CPVL: variants seen among roughly 807,000 people sequenced by gnomAD.
CPVL encodes probable serine carboxypeptidase CPVL.
Under a neutral mutation model 63.7 loss-of-function variants are expected in CPVL, and 51 were observed. The observed-to-expected ratio is 0.80, with a 90% CI of 0.64 to 1.01. The LOEUF (loss-of-function observed/expected upper bound fraction) is 1.01. CPVL is among the 50% of genes least tolerant of loss of function. The pLI, the probability that CPVL is intolerant of heterozygous loss-of-function variation, is 0.00. For synonymous variants in CPVL, 195 were observed against 206.0 expected, an observed-to-expected ratio of 0.95 and a Z score of 0.46; for missense variants, 530 against 573.1, an observed-to-expected ratio of 0.92 and a Z score of 0.77.
chr7:29,077,450 T>C (rs1784343661), intron 7 of CPVL, among the ~76,000 whole-genome samples: 1 of 152,172 alleles, frequency 6.6e-6, no homozygotes, highest in African/African-American at 2.4e-5. Flanking sequence ...AGTTTCACCA[T>C]CCACAGGCCT....
chr7:29,150,307 G>A (rs1348791429), upstream of CPVL, among the ~76,000 whole-genome samples: 2 of 152,152 alleles, frequency 1.3e-5, no homozygotes, highest in South Asian at 4.1e-4. Context: ...TTATCAAGAG[G>A]AAGAAATAAG....
chr7:29,123,733 A>C (rs1777445687), intron 1 of CPVL, among the ~76,000 whole-genome samples: 3 of 147,074 alleles, frequency 2.0e-5, no homozygotes, highest in Non-Finnish European at 4.5e-5. Context: ...CTGGGGACAG[A>C]AACAAGAAAC....
At chr7:29,019,290 A>G (rs1786722939) in intron 12 of CPVL, among the ~76,000 whole-genome samples, 1 of 152,220 alleles carries the variant, frequency 6.6e-6, no homozygotes, top group South Asian at 2.1e-4. Context: ...CTCGGATTAT[A>G]TAACAGGGCA....
chr7:28,999,453 T>C (rs1784394592), intron 12 of CPVL, among the ~76,000 whole-genome samples: 4 of 152,252 alleles, frequency 2.6e-5, no homozygotes, highest in African/African-American at 7.2e-5. Flanking sequence ...CAGGGAATTC[T>C]CTGTTTACAT....
rs1789317623 is a variant in CPVL at position 29,121,022 on chromosome 7, G to C, written c.40C>G (p.Leu14Val). Residue 14 changes from leucine to valine, a missense_variant, in exon 2 of 13, where the codon CTG becomes GTG. Leu to Val is a conservative substitution (Grantham distance 32). Coordinates refer to ENST00000265394, the MANE Select transcript of CPVL (RefSeq NM_031311.5). Reference protein sequence around the residue: ...AMWKVIVSLVLLMPGPCDGLF... With the variant: ...AMWKVIVSLVVLMPGPCDGLF... The stretch of plus-strand genomic sequence containing the variant: ...CCATCACAGGGGCCAGGCATCAACA[G>C]GACCAGCGAAACAATCACCTTCCAC... The C allele has an allele frequency of 6.2e-7, 1 of 1,609,406 alleles. No individual in the cohort carries two copies. The highest frequency in any genetic ancestry group is 1.3e-5 in the African/African-American group (1 of 74,644).
At position 29,195,024 on chromosome 7, in the gene CPVL, C is replaced by G. The variant is rs779244950; in HGVS notation, c.-448+53G>C. ...CAGCCCGTCGGGCGCTGCTGCCGCG[C>G]CGGGTCTCGCCCCACTGCCCTCGCC... On this transcript the variant is annotated intron_variant, in intron 1 of 16. Transcript: ENST00000409850. The G allele has an allele frequency of 6.3e-6, 10 of 1,576,890 alleles. 1 individual carries two copies. In the South Asian group the frequency reaches 1.0e-4, roughly 16 times the overall value.
chr7:29,062,552 G>A (rs1322508014), intron 11 of CPVL, among the ~76,000 whole-genome samples: 12 of 152,146 alleles, frequency 7.9e-5, no homozygotes, highest in Admixed American at 4.6e-4. Context: ...CAATGGTTAC[G>A]TGTCCAACAC....
At chr7:29,095,974 T>A in intron 4 of CPVL, 129 bp downstream of exon 4, 1 of 779,932 alleles carries the variant, frequency 1.3e-6, no homozygotes, top group South Asian at 1.6e-5. Context: ...TGCCAGAAAG[T>A]TGTGTTTTGA....
At chr7:28,999,330 G>A (rs560310766) in intron 12 of CPVL, among the ~76,000 whole-genome samples, 2 of 152,322 alleles carry the variant, frequency 1.3e-5, no homozygotes, top group Admixed American at 1.3e-4. Context: ...GGAAGGTCCA[G>A]GGCAGGGCCT....
chr7:28,995,589 T>G lies in CPVL; in HGVS notation c.*183A>C. ...GTAATTCTTACTCATGTACTCATGTTAATTTTGTAGTAAACATCTCCCCCC... is the reference window on the plus strand; with the variant it reads ...GTAATTCTTACTCATGTACTCATGTGAATTTTGTAGTAAACATCTCCCCCC... On this transcript the variant is annotated 3_prime_UTR_variant, in exon 13 of 13. Coordinates refer to ENST00000265394, the MANE Select transcript of CPVL (RefSeq NM_031311.5). 1 of 578,234 alleles carries G rather than the reference T, an allele frequency of 1.7e-6. No homozygotes were observed. The highest frequency in any genetic ancestry group is 3.0e-6 in the Non-Finnish European group (1 of 334,686). 35.8% of individuals were successfully genotyped at this position (578,234 alleles called of 1,614,324 possible). A position where few individuals can be genotyped will look rare whatever the true frequency, so the allele number is the denominator to read the frequency against.
chr7:29,096,953 C>A (rs191325247), intron 3 of CPVL, among the ~76,000 whole-genome samples: 1,967 of 144,632 alleles, frequency 0.014, 21 homozygotes, highest in Admixed American at 0.026. Context: ...CCACTGCACT[C>A]CAGCCTGGGT....
chr7:29,105,415 A>C (rs1259987792), intron 3 of CPVL, among the ~76,000 whole-genome samples: 2 of 152,316 alleles, frequency 1.3e-5, no homozygotes, highest in South Asian at 4.1e-4. Context: ...AAGCATGTTG[A>C]TCTGTCAAGG....
chr7:29,135,176 A>G (rs1364470207), intron 1 of CPVL, among the ~76,000 whole-genome samples: 1 of 151,988 alleles, frequency 6.6e-6, no homozygotes, highest in Non-Finnish European at 1.5e-5. Context: ...AGAGGTATAG[A>G]TATGATTTTT....
chr7:29,059,018 G>C (rs369159486), intron 11 of CPVL, among the ~76,000 whole-genome samples: 19 of 151,836 alleles, frequency 1.3e-4, no homozygotes, highest in African/African-American at 4.3e-4. Flanking sequence ...CTTTCTTCTT[G>C]TTCTGGTATT....
chr7:29,059,593 C>A (rs1791072223), intron 11 of CPVL, among the ~76,000 whole-genome samples: 1 of 152,186 alleles, frequency 6.6e-6, no homozygotes, highest in South Asian at 2.1e-4. Context: ...GACAAAACCA[C>A]ATGATCATCT....
intron 3 of CPVL, among the ~76,000 whole-genome samples, chr7:29,104,379 G>C (rs1410081275): frequency 1.3e-5 from 2 of 152,144 alleles, no homozygotes; most frequent in Non-Finnish European, 2.9e-5. Flanking sequence ...TCCTGCCTCA[G>C]CCTCTGGAGT....
rs201351381 is a variant in CPVL, at chr7:28,995,873, G to T, written c.1330C>A (p.Arg444=). The change falls in exon 13 of 13, where the codon CGA becomes AGA. Residue 444 remains arginine (R), a synonymous_variant. Transcript: ENST00000265394. ...TAGGGTAAAATATGTCCTCCACCTC[G>T]AATAATTACCTTAAAAAGAAAAAGT... ...QAGDFHQVII[R]GGGHILPYDQ... 13 of 1,565,498 alleles carry T rather than the reference G, an allele frequency of 8.3e-6. No homozygotes were observed. Among genetic ancestry groups the T allele is most frequent in the Non-Finnish European group, 1.1e-5 (13 of 1,153,788 alleles).
rs776065426 is a variant in CPVL at position 29,095,116 on chromosome 7, T to C, written c.430A>G (p.Thr144Ala). ...TCAATGTAAAGCATGGAGAGCGTTGTGGTCCAGGGGAAGTCTCTGTCACGC... is the reference window on the plus strand; with the variant it reads ...TCAATGTAAAGCATGGAGAGCGTTGCGGTCCAGGGGAAGTCTCTGTCACGC... ...TLRDRDFPWTTTLSMLYIDNP... is the reference protein window; with the variant it reads ...TLRDRDFPWTATLSMLYIDNP... The change falls in exon 5 of 13, where the codon ACA (threonine) becomes GCA (alanine). Residue 144 changes from threonine to alanine, a missense_variant. Thr to Ala is a moderately conservative substitution (Grantham distance 58). Coordinates refer to ENST00000265394, the MANE Select transcript of CPVL (RefSeq NM_031311.5). The C allele has an allele frequency of 6.2e-7, 1 of 1,614,068 alleles. No individual in the cohort carries two copies. The highest frequency in any genetic ancestry group is 8.5e-7 in the Non-Finnish European group (1 of 1,179,944).
At chr7:29,077,212 A>G (rs1416481449) in intron 7 of CPVL, among the ~76,000 whole-genome samples, 1 of 152,200 alleles carries the variant, frequency 6.6e-6, no homozygotes, top group Non-Finnish European at 1.5e-5. Context: ...AAATGGAAAC[A>G]ATGTCCTCTT....
Sources: gnomAD v4.1 joint callset for allele counts (sites outside exome capture counted in the v4.1 genomes callset) on GRCh38, gnomAD v4.1.1 for gene constraint, MANE v1.5 for transcripts, NCBI Gene and HGNC (gene_info 2026-07-23, HGNC 2026-07-21) for gene names.